The following ANKRD44 variants were observed in gnomAD, a reference collection of about 807,000 sequenced individuals.
The protein encoded by ANKRD44 is ankyrin repeat domain 44.
ANKRD44 carries 35 observed loss-of-function variants against 116.0 expected under a neutral mutation model. The ratio of observed to expected loss-of-function variants is 0.30; its 90% CI spans 0.23 to 0.40. The LOEUF is 0.40. Among genes scored for constraint, ANKRD44 ranks in the 10% least tolerant of loss-of-function variants. The pLI is 1.00. For synonymous variants in ANKRD44, 435 were observed against 461.8 expected, an observed-to-expected ratio of 0.94 and a Z score of 0.74; for missense variants, 1,014 against 1,242.6, an observed-to-expected ratio of 0.82 and a Z score of 2.77.
rs60306279 is a variant in ANKRD44, at chr2:197,072,046, AGAAGGAAGGAAG to A, written c.1650+6645_1650+6656del. ...AGGGAGGGAGGGATGGAGGGAGGAAAGAAGGAAGGAAGGAAGGAAGGAAGGAAGGAAGGAAGG... is the reference window on the plus strand; with the variant it reads ...AGGGAGGGAGGGATGGAGGGAGGAAAGAAGGAAGGAAGGAAGGAAGGAAGG... On this transcript the variant is annotated intron_variant, in intron 16 of 27. Transcript: ENST00000282272. Among the ~76,000 whole-genome samples the A allele has an allele frequency of 9.5e-3, 1,059 of 111,284 alleles. 11 individuals are homozygous for A. Among genetic ancestry groups the A allele is most frequent in the South Asian group, 0.026 (80 of 3,074 alleles). The allele number at this position is 111,284 out of a possible 152,430, so 73.0% of individuals were successfully genotyped here. A position where few individuals can be genotyped will look rare whatever the true frequency, so the allele number is the denominator to read the frequency against.
intron 16 of ANKRD44, among the ~76,000 whole-genome samples, chr2:197,037,995 G>A (rs2076838713): frequency 6.6e-6 from 1 of 152,172 alleles, no homozygotes; most frequent in African/African-American, 2.4e-5. Flanking sequence ...AGGGGTTGGA[G>A]GTTGGGAGGA....
rs2125871203 is a variant in ANKRD44 at position 196,988,336 on chromosome 2, T to C, written c.*1255A>G. 1 of 985,442 alleles carries C rather than the reference T, an allele frequency of 1.0e-6. No individual in the cohort carries two copies. Among genetic ancestry groups the C allele is most frequent in the African/African-American group, 1.7e-5 (1 of 57,372 alleles). The allele number at this position is 985,442 out of a possible 1,614,324, so 61.0% of individuals were successfully genotyped here. A position where few individuals can be genotyped will look rare whatever the true frequency, so the allele number is the denominator to read the frequency against. ...CAGTGTTTTGGTAAAGATAAGGTCA[T>C]TATTGCTCATTAGCAATTTATCTGC... On this transcript the variant is annotated 3_prime_UTR_variant, in exon 28 of 28. Coordinates refer to ENST00000282272, the MANE Select transcript of ANKRD44 (RefSeq NM_001195144.2).
At chr2:197,160,846 T>A (rs2079943247) in intron 2 of ANKRD44, among the ~76,000 whole-genome samples, 1 of 152,094 alleles carries the variant, frequency 6.6e-6, no homozygotes, top group Non-Finnish European at 1.5e-5. Context: ...AACCTTCAAA[T>A]AAGTCAACCC....
intron 3 of ANKRD44, among the ~76,000 whole-genome samples, chr2:197,144,960 T>C (rs1178236115): frequency 6.6e-6 from 1 of 152,156 alleles, no homozygotes; most frequent in African/African-American, 2.4e-5. Flanking sequence ...CATGAAACAT[T>C]CCTCTGAGAC....
intron 3 of ANKRD44, among the ~76,000 whole-genome samples, chr2:197,139,025 G>A (rs1215826040): frequency 4.6e-5 from 7 of 152,076 alleles, no homozygotes; most frequent in Non-Finnish European, 1.0e-4. Flanking sequence ...AAAGTGTGAC[G>A]AGGCCAAGAT....
intron 16 of ANKRD44, among the ~76,000 whole-genome samples, chr2:197,056,506 TCATTTTCTATTTGATGTTG>T (rs2125034385): frequency 6.6e-6 from 1 of 152,298 alleles, no homozygotes; most frequent in Non-Finnish European, 1.5e-5. Context: ...TTTTAAAATT[TCATTTTCTATTTGATGTTG>T]CTGGGATGTA....
intron 16 of ANKRD44, among the ~76,000 whole-genome samples, chr2:197,057,799 A>G (rs1159361088): frequency 6.6e-6 from 1 of 152,246 alleles, no homozygotes; most frequent in Non-Finnish European, 1.5e-5. Context: ...CAAAGGCTGC[A>G]GTGAGCTATG....
At chr2:197,096,632 A>C (rs987410203) in intron 10 of ANKRD44, among the ~76,000 whole-genome samples, 1 of 152,236 alleles carries the variant, frequency 6.6e-6, no homozygotes, top group Non-Finnish European at 1.5e-5. Context: ...CTTGTCATAT[A>C]GAGTTAATTT....
At chr2:197,199,392 C>T (rs1371387513) in intron 1 of ANKRD44, 1 of 152,134 alleles carries the variant, frequency 6.6e-6, no homozygotes, top group African/African-American at 2.4e-5. Context: ...CCTAATGCAT[C>T]AAAACCCCTG....
At chr2:197,017,438 A>G (rs2076413489) in intron 17 of ANKRD44, among the ~76,000 whole-genome samples, 1 of 152,228 alleles carries the variant, frequency 6.6e-6, no homozygotes, top group Admixed American at 6.5e-5. Flanking sequence ...TGACAATAAC[A>G]AAAACTACAT....
intron 1 of ANKRD44, among the ~76,000 whole-genome samples, chr2:197,292,570 C>T (rs1384395923): frequency 1.3e-5 from 2 of 152,152 alleles, no homozygotes; most frequent in Non-Finnish European, 2.9e-5. Flanking sequence ...GAATTACATC[C>T]TTTGTATCTT....
chr2:197,182,708 A>T (rs1278311179), intron 2 of ANKRD44, among the ~76,000 whole-genome samples: 1 of 152,144 alleles, frequency 6.6e-6, no homozygotes, highest in South Asian at 2.1e-4. Context: ...GCAGATCCCA[A>T]ATATATGAAA....
chr2:196,992,896 A>G (rs1035810125), intron 27 of ANKRD44: 2 of 152,662 alleles, frequency 1.3e-5, no homozygotes, highest in African/African-American at 4.8e-5. Flanking sequence ...ATTCATAAAC[A>G]TCCAGAAGTT....
chr2:197,117,579 A>G (rs2078743098), intron 8 of ANKRD44, among the ~76,000 whole-genome samples: 1 of 151,680 alleles, frequency 6.6e-6, no homozygotes, highest in South Asian at 2.1e-4. Flanking sequence ...CATATTGGTC[A>G]GACTGGTCTT....
intron 1 of ANKRD44, among the ~76,000 whole-genome samples, chr2:197,272,978 A>C (rs561617522): frequency 9.7e-4 from 148 of 152,350 alleles, no homozygotes; most frequent in African/African-American, 3.4e-3. Flanking sequence ...TGATTAGTTG[A>C]CATCAAGTTA....
At chr2:196,997,763 T>C (rs942098037) in intron 25 of ANKRD44, among the ~76,000 whole-genome samples, 10 of 151,822 alleles carry the variant, frequency 6.6e-5, no homozygotes, top group Non-Finnish European at 1.3e-4. Context: ...ATTTATCTTT[T>C]ATGGAAGAAG....
At chr2:197,273,979 AAAT>A (rs2082986911) in intron 1 of ANKRD44, among the ~76,000 whole-genome samples, 1 of 50,010 alleles carries the variant, frequency 2.0e-5, no homozygotes, top group Non-Finnish European at 3.7e-5. Flanking sequence ...AAAAAAAAAA[AAAT>A]ATATATATAT....
intron 1 of ANKRD44, among the ~76,000 whole-genome samples, chr2:197,273,235 G>A (rs2082949267): frequency 6.6e-6 from 1 of 152,224 alleles, no homozygotes; most frequent in South Asian, 2.1e-4. Context: ...GGAGAAATTT[G>A]TCAGGACATT....
chr2:197,169,364 T>C (rs1432980721), intron 2 of ANKRD44, among the ~76,000 whole-genome samples: 2 of 152,206 alleles, frequency 1.3e-5, no homozygotes, highest in African/African-American at 4.8e-5. Context: ...TAAGTACCTA[T>C]TCATTCATTT....
Sources: allele counts gnomAD v4.1 joint callset (sites outside exome capture counted in the v4.1 genomes callset), GRCh38; gene constraint gnomAD v4.1.1; transcripts MANE v1.5; gene names NCBI Gene and HGNC (gene_info 2026-07-23, HGNC 2026-07-21).